EMILIN2: variants seen among roughly 807,000 people sequenced by gnomAD.
EMILIN2 encodes the protein EMILIN-2.
Under a neutral mutation model 87.1 loss-of-function variants are expected in EMILIN2, and 71 were observed. That is an observed-to-expected ratio of 0.82 (90% CI 0.67 to 0.99). The LOEUF is 0.99. Among genes scored for constraint, EMILIN2 ranks in the 50% least tolerant of loss-of-function variants. The pLI is 0.00. For synonymous variants in EMILIN2, 581 were observed against 563.4 expected (o/e 1.03, Z -0.44); for missense variants, 1,407 against 1,371.8 (o/e 1.03, Z -0.40).
rs2076588808 is a variant in EMILIN2, at chr18:2,848,673, G to T, written c.257+742G>T. ...ATGACACTCATTCAATTGTCATCAG[G>T]CAAGTCTTTGGGGGTTTTGTATCAG... On this transcript the variant is annotated intron_variant, in intron 2 of 7. Transcript: ENST00000254528. The surrounding 1 kb of genome is among the most constrained non-coding windows in gnomAD (Gnocchi z 4.1). Among the ~76,000 whole-genome samples the T allele has an allele frequency of 2.7e-4, 1 of 3,760 alleles. No individual in the cohort carries two copies. The highest frequency in any genetic ancestry group is 1.3e-3 in the African/African-American group (1 of 782). The allele number at this position is 3,760 out of a possible 152,430, so 2.5% of individuals were successfully genotyped here. A position where few individuals can be genotyped will look rare whatever the true frequency, so the allele number is the denominator to read the frequency against.
chr18:2,905,781 T>G (rs1409944909), intron 4 of EMILIN2, among the ~76,000 whole-genome samples: 9 of 109,342 alleles, frequency 8.2e-5, no homozygotes, highest in East Asian at 3.0e-4. Flanking sequence ...TTTTGTTTTT[T>G]TGTTTTTTTT....
intron 2 of EMILIN2, among the ~76,000 whole-genome samples, chr18:2,879,543 C>T (rs1056625755): frequency 6.6e-6 from 1 of 151,858 alleles, no homozygotes; most frequent in East Asian, 2.0e-4. Flanking sequence ...TGCCTGTAAT[C>T]CCAGCTACTA....
In EMILIN2 at chr18:2,880,646, C is replaced by T. The variant is rs940574608; in HGVS notation, c.258-4318C>T. 6.6e-6 allele frequency among the ~76,000 whole-genome samples: 1 copy of T among 152,226 alleles called. No individual in the cohort carries two copies. Among genetic ancestry groups the T allele is most frequent in the Non-Finnish European group, 1.5e-5 (1 of 68,036 alleles). ...CCCGCCGCCTTAACTTTTCCTCTGGCTGCGGGTCCCTCGGCTTGGCCACCC... is the reference window on the plus strand; with the variant it reads ...CCCGCCGCCTTAACTTTTCCTCTGGTTGCGGGTCCCTCGGCTTGGCCACCC... On this transcript the variant is annotated intron_variant, in intron 2 of 7. Coordinates refer to ENST00000254528, the MANE Select transcript of EMILIN2 (RefSeq NM_032048.3). The surrounding 1 kb of genome is among the most constrained non-coding windows in gnomAD (Gnocchi z 4.1).
Position 2,905,293 on chromosome 18 carries a change from G to C in EMILIN2, c.2360-1490G>C, listed in dbSNP as rs149761910. On this transcript the variant is annotated intron_variant, in intron 4 of 7. Coordinates refer to ENST00000254528, the MANE Select transcript of EMILIN2 (RefSeq NM_032048.3). ...GGTGTTCTGGCAACCTGCCTCTGTG[G>C]GTGGGGCGGGGGGGGGGCATGTATT... Among the ~76,000 whole-genome samples, 164 of 87,546 alleles carry C rather than the reference G, an allele frequency of 1.9e-3. 6 individuals carry two copies. The East Asian group carries it at 0.054, about 29-fold the overall frequency. The allele number at this position is 87,546 out of a possible 152,430, so 57.4% of individuals were successfully genotyped here.
At chr18:2,907,259 C>G (rs1383530480) in intron 5 of EMILIN2, among the ~76,000 whole-genome samples, 174 bp downstream of exon 5, 1 of 152,220 alleles carries the variant, frequency 6.6e-6, no homozygotes, top group Admixed American at 6.5e-5. Flanking sequence ...GCTAGTCCAG[C>G]ACACGGAGGC....
intron 2 of EMILIN2, among the ~76,000 whole-genome samples, chr18:2,852,762 G>A (rs1433201034): frequency 1.3e-5 from 2 of 152,084 alleles, no homozygotes; most frequent in East Asian, 1.9e-4. Flanking sequence ...CAAGTGACCC[G>A]CCTGCCTCGG....
At chr18:2,888,005 C>T (rs974715764) in intron 3 of EMILIN2, among the ~76,000 whole-genome samples, 1 of 152,160 alleles carries the variant, frequency 6.6e-6, no homozygotes, top group Non-Finnish European at 1.5e-5. Flanking sequence ...AATGGACAAC[C>T]TTCCATGTCA....
intron 4 of EMILIN2, among the ~76,000 whole-genome samples, chr18:2,900,028 C>G (rs1484786090): frequency 6.6e-6 from 1 of 152,164 alleles, no homozygotes; most frequent in African/African-American, 2.4e-5. Flanking sequence ...AGCCCTATCC[C>G]ACGAGTTTCA....
At chr18:2,896,897 G>A (rs991481806) in intron 4 of EMILIN2, among the ~76,000 whole-genome samples, 1 of 152,108 alleles carries the variant, frequency 6.6e-6, no homozygotes, top group African/African-American at 2.4e-5. Flanking sequence ...AGCACTTTGC[G>A]AGGCTCAGAC....
intron 7 of EMILIN2, among the ~76,000 whole-genome samples, chr18:2,912,587 C>A (rs1188356234): frequency 6.6e-6 from 1 of 152,168 alleles, no homozygotes; most frequent in Non-Finnish European, 1.5e-5. Context: ...ACCCTGGGCC[C>A]AGAACGTGTG....
chr18:2,875,486 G>A (rs1232981202), intron 2 of EMILIN2, among the ~76,000 whole-genome samples: 3 of 140,686 alleles, frequency 2.1e-5, no homozygotes, highest in Non-Finnish European at 4.6e-5. Context: ...GCCTGCAGCA[G>A]CAATGGCCCT....
intron 2 of EMILIN2, among the ~76,000 whole-genome samples, chr18:2,868,243 C>T (rs1162986335): frequency 7.3e-5 from 11 of 151,582 alleles, no homozygotes; most frequent in East Asian, 1.9e-4. Flanking sequence ...AGACGATGGG[C>T]GGCCAGGCAG....
intron 5 of EMILIN2, 52 bp downstream of exon 5, chr18:2,907,137 G>A (rs1183947351): frequency 8.1e-7 from 1 of 1,227,726 alleles, no homozygotes; most frequent in Non-Finnish European, 1.0e-6. Context: ...CGGAACTTCC[G>A]CCTGAGCCTC....
In EMILIN2 at chr18:2,874,388, CTG is replaced by C. The variant is rs141815682; in HGVS notation, c.258-10562_258-10561del. Among the ~76,000 whole-genome samples, 1,489 of 151,074 alleles carry C rather than the reference CTG, an allele frequency of 9.9e-3. 14 individuals are homozygous for C. Among genetic ancestry groups the C allele is most frequent in the South Asian group, 0.034 (161 of 4,776 alleles). The stretch of plus-strand genomic sequence containing the variant: ...TTACTTTTTGTTGTTGGATAGATTC[CTG>C]TGTGTGTGTGTGTACCATCATTTGC... On this transcript the variant is annotated intron_variant, in intron 2 of 7. Coordinates refer to ENST00000254528, the MANE Select transcript of EMILIN2 (RefSeq NM_032048.3).
chr18:2,915,408 T>A lies in EMILIN2; in HGVS notation c.*2004T>A, dbSNP rs1034064007. 6.6e-6 allele frequency: 1 copy of A among 152,252 alleles called. No homozygotes were observed. The highest frequency in any genetic ancestry group is 6.5e-5 in the Admixed American group (1 of 15,276). The allele number at this position is 152,252 out of a possible 1,614,324, so 9.4% of individuals were successfully genotyped here. On this transcript the variant is annotated 3_prime_UTR_variant, in exon 8 of 8. Coordinates refer to ENST00000254528, the MANE Select transcript of EMILIN2 (RefSeq NM_032048.3). ...AGTAGAACAACAAGGTCAGCTGAGC[T>A]TAAGGCTGTGGGGTTCGAAGCAGCC... is the stretch of plus-strand genomic sequence containing the variant.
intron 2 of EMILIN2, among the ~76,000 whole-genome samples, chr18:2,860,314 G>GC (rs1378435393): frequency 1.3e-5 from 2 of 151,978 alleles, no homozygotes; most frequent in African/African-American, 2.4e-5. Context: ...GTATACATGT[G>GC]CCGTGTTGGT....
chr18:2,889,516 C>T (rs1453883305), intron 3 of EMILIN2, among the ~76,000 whole-genome samples: 2 of 151,904 alleles, frequency 1.3e-5, no homozygotes, highest in Non-Finnish European at 1.5e-5. Context: ...TCAATAGTCT[C>T]CTTTTTATTT....
rs761666897 is a variant in EMILIN2, at chr18:2,847,832, A to G, written c.158A>G (p.Asn53Ser). 7.4e-6 allele frequency: 12 copies of G among 1,613,522 alleles called. No homozygotes were observed. Among genetic ancestry groups the G allele is most frequent in the African/African-American group, 1.3e-5 (1 of 75,044 alleles). ...RNKNWCAYIV[N>S]KNVSCSVLEG... ...AGGAACTGGTGCGCCTACATCGTGA[A>G]CAAGAATGTGAGCTGCTCCGTGCTG... The change falls in exon 2 of 8, where the codon AAC becomes AGC. Residue 53 changes from asparagine (N) to serine (S), a missense_variant. Asn to Ser is a conservative substitution (Grantham distance 46). Transcript: ENST00000254528. This position sits in a 1 kb window ranked among gnomAD's most constrained non-coding sequence, Gnocchi z 4.5.
chr18:2,847,269 G>A lies in EMILIN2; in HGVS notation c.81G>A (p.Leu27=), dbSNP rs1381419427. The part of the protein sequence containing the change: ...LALLALVGAG[L]CHAGPQPGYP... ...TGCTGGCCCTGGTTGGCGCGGGGCT[G>A]TGCCACGCCGGCCCGCAGCCCGGGT... Residue 27 remains leucine (L), a synonymous_variant, in exon 1 of 8, where the codon CTG becomes CTA. Transcript: ENST00000254528. The surrounding 1 kb of genome is among the most constrained non-coding windows in gnomAD (Gnocchi z 4.5). The A allele has an allele frequency of 4.5e-6, 6 of 1,319,186 alleles. No individual in the cohort carries two copies. The highest frequency in any genetic ancestry group is 4.8e-6 in the Non-Finnish European group (5 of 1,037,644). 81.7% of individuals were successfully genotyped at this position (1,319,186 alleles called of 1,614,324 possible).
Sources: allele counts gnomAD v4.1 joint callset (sites outside exome capture counted in the v4.1 genomes callset), GRCh38; gene constraint gnomAD v4.1.1; non-coding constraint Gnocchi (gnomAD v3.1); transcripts MANE v1.5; gene names NCBI Gene and HGNC (gene_info 2026-07-23, HGNC 2026-07-21).